The following PCSK2 variants were observed in gnomAD, a reference collection of about 807,000 sequenced individuals.
PCSK2 encodes the protein proprotein convertase subtilisin/kexin type 2, also known as neuroendocrine convertase 2.
In PCSK2, 14 loss-of-function variants were observed where a neutral mutation model predicts 69.7. The observed-to-expected ratio is 0.20, with a 90% CI of 0.13 to 0.31. PCSK2 has a LOEUF of 0.31. Ranked by LOEUF, PCSK2 falls within the 10% of genes least tolerant of loss-of-function variation. The pLI is 1.00. For missense variants in PCSK2, 544 were observed against 842.5 expected (o/e 0.65, Z 4.39); for synonymous variants, 307 against 320.7 (o/e 0.96, Z 0.46).
intron 1 of PCSK2, 149 bp from the exon 2 acceptor site, chr20:17,260,091 G>GGACC: frequency 1.6e-6 from 1 of 643,506 alleles, no homozygotes; most frequent in African/African-American, 1.8e-5. Context: ...GGGAAATAGA[G>GGACC]GACCAGGACT....
chr20:17,423,300 G>T (rs1342612083), intron 6 of PCSK2, among the ~76,000 whole-genome samples: 2 of 152,190 alleles, frequency 1.3e-5, no homozygotes, highest in African/African-American at 2.4e-5. Flanking sequence ...TAGATTCAAA[G>T]ATTTTCTGAT....
intron 11 of PCSK2, among the ~76,000 whole-genome samples, chr20:17,478,531 C>T (rs2033332795): frequency 6.6e-6 from 1 of 152,044 alleles, no homozygotes; most frequent in South Asian, 2.1e-4. Flanking sequence ...TACTAATCCT[C>T]AGAAAAAGTA....
chr20:17,424,454 G>C (rs1370393967), intron 6 of PCSK2, among the ~76,000 whole-genome samples: 1 of 152,142 alleles, frequency 6.6e-6, no homozygotes, highest in Non-Finnish European at 1.5e-5. Flanking sequence ...GCCTCAAATT[G>C]TATCTGTAAA....
chr20:17,227,791 A>T (rs1197988485), intron 1 of PCSK2, among the ~76,000 whole-genome samples: 6 of 152,172 alleles, frequency 3.9e-5, no homozygotes. Flanking sequence ...CAAGTTCTCG[A>T]GGCTGCCTGG....
chr20:17,472,375 G>T (rs1049400603), intron 11 of PCSK2, among the ~76,000 whole-genome samples: 4 of 152,186 alleles, frequency 2.6e-5, no homozygotes. Context: ...CAGCACTCCC[G>T]AGCTGCAGAG....
intron 5 of PCSK2, among the ~76,000 whole-genome samples, chr20:17,394,135 T>C (rs913832574): frequency 2.6e-5 from 4 of 152,150 alleles, no homozygotes; most frequent in Non-Finnish European, 5.9e-5. Context: ...CTGGATCTGT[T>C]TTCTGTACCT....
At chr20:17,254,550 T>C (rs1392943074) in intron 1 of PCSK2, among the ~76,000 whole-genome samples, 1 of 152,206 alleles carries the variant, frequency 6.6e-6, no homozygotes, top group Non-Finnish European at 1.5e-5. Context: ...TTTTATTCCA[T>C]TAAACTACTA....
At position 17,355,650 on chromosome 20, in the gene PCSK2, AACAC is replaced by A. The variant is rs74179105; in HGVS notation, c.283-2655_283-2652del. On this transcript the variant is annotated intron_variant, in intron 2 of 11. Transcript: ENST00000262545. ...ATGAATATGCACATGTGTGCACGCA[AACAC>A]ACACACACACACACACACACAGAGA... 3.0e-3 allele frequency among the ~76,000 whole-genome samples: 444 copies of A among 148,802 alleles called. 3 individuals are homozygous for A. The highest frequency in any genetic ancestry group is 0.011 in the African/African-American group (423 of 40,254).
intron 10 of PCSK2, among the ~76,000 whole-genome samples, chr20:17,461,334 T>C (rs2033011295): frequency 6.6e-6 from 1 of 152,216 alleles, no homozygotes; most frequent in Non-Finnish European, 1.5e-5. Context: ...TTTGAAATTA[T>C]TTTTTAATCC....
intron 2 of PCSK2, among the ~76,000 whole-genome samples, chr20:17,322,911 T>A (rs745342992): frequency 2.0e-5 from 3 of 152,204 alleles, no homozygotes; most frequent in African/African-American, 4.8e-5. Context: ...TCACCCAGGC[T>A]GGAGTCCAAT....
At chr20:17,401,005 A>G (rs1381902737) in intron 5 of PCSK2, among the ~76,000 whole-genome samples, 1 of 152,210 alleles carries the variant, frequency 6.6e-6, no homozygotes, top group Non-Finnish European at 1.5e-5. Context: ...ATATGGAAGA[A>G]TATCTTTAGG....
intron 5 of PCSK2, among the ~76,000 whole-genome samples, chr20:17,398,853 T>C (rs2031572555): frequency 6.6e-6 from 1 of 152,128 alleles, no homozygotes; most frequent in African/African-American, 2.4e-5. Flanking sequence ...CTAAAAGCTC[T>C]CCAGGTGATT....
At chr20:17,393,307 A>G (rs1249608185) in intron 5 of PCSK2, among the ~76,000 whole-genome samples, 1 of 152,236 alleles carries the variant, frequency 6.6e-6, no homozygotes, top group Non-Finnish European at 1.5e-5. Context: ...AAAAAAATTT[A>G]TAAGCAAGTA....
chr20:17,341,344 A>G (rs908222968), intron 2 of PCSK2, among the ~76,000 whole-genome samples: 1 of 152,260 alleles, frequency 6.6e-6, no homozygotes, highest in African/African-American at 2.4e-5. Flanking sequence ...TTAAAAAATG[A>G]CAATCCACCA....
chr20:17,247,680 T>G (rs1041155505), intron 1 of PCSK2, among the ~76,000 whole-genome samples: 1 of 152,218 alleles, frequency 6.6e-6, no homozygotes, highest in Non-Finnish European at 1.5e-5. Context: ...AACAAGCGAA[T>G]GCACAGATGC....
At chr20:17,268,025 T>C (rs1393492128) in intron 2 of PCSK2, among the ~76,000 whole-genome samples, 1 of 86,594 alleles carries the variant, frequency 1.2e-5, no homozygotes, top group African/African-American at 3.9e-5. Flanking sequence ...CATTTATATA[T>C]CCAATGTGTA....
intron 2 of PCSK2, among the ~76,000 whole-genome samples, chr20:17,338,043 G>T (rs1219296172): frequency 6.6e-6 from 1 of 151,928 alleles, no homozygotes; most frequent in Non-Finnish European, 1.5e-5. Flanking sequence ...TGGAACTTGG[G>T]TTCAGGTCAG....
chr20:17,358,839 G>A (rs1256320458), intron 3 of PCSK2, among the ~76,000 whole-genome samples: 1 of 152,196 alleles, frequency 6.6e-6, no homozygotes, highest in South Asian at 2.1e-4. Flanking sequence ...TAAAAGAAAG[G>A]ATCCAATGAC....
At position 17,238,822 on chromosome 20, in the gene PCSK2, T is replaced by C. The variant is rs117581821; in HGVS notation, c.177+11340T>C. On this transcript the variant is annotated intron_variant, in intron 1 of 11. Transcript: ENST00000262545. ...CTCAAGGATTCCACACCAACAACCATTGGGTTTACACTTGGTAAAAGACAG... is the reference window on the plus strand; with the variant it reads ...CTCAAGGATTCCACACCAACAACCACTGGGTTTACACTTGGTAAAAGACAG... 8.8e-3 allele frequency among the ~76,000 whole-genome samples: 1,341 copies of C among 152,318 alleles called. 40 individuals carry two copies. In the East Asian group the frequency reaches 0.12, roughly 14 times the overall value.
Sources: allele counts gnomAD v4.1 joint callset (sites outside exome capture counted in the v4.1 genomes callset), GRCh38; gene constraint gnomAD v4.1.1; transcripts MANE v1.5; gene names NCBI Gene and HGNC (gene_info 2026-07-23, HGNC 2026-07-21).